The following FNDC3B variants were observed in gnomAD, a reference collection of about 807,000 sequenced individuals.
FNDC3B encodes fibronectin type III domain-containing protein 3B.
Under a neutral mutation model 151.5 loss-of-function variants are expected in FNDC3B, and 12 were observed. The ratio of observed to expected loss-of-function variants is 0.08; its 90% confidence interval spans 0.05 to 0.13. The LOEUF (loss-of-function observed/expected upper bound fraction) is 0.13. FNDC3B is among the 10% of genes least tolerant of loss of function. FNDC3B has a pLI of 1.00. For missense variants in FNDC3B, 1,214 were observed against 1,505.3 expected (o/e 0.81, Z 3.20); for synonymous variants, 528 against 549.0 (o/e 0.96, Z 0.54).
intron 3 of FNDC3B, among the ~76,000 whole-genome samples, chr3:172,165,471 C>T (rs1437407779): frequency 1.3e-5 from 2 of 152,154 alleles, no homozygotes; most frequent in Admixed American, 6.5e-5. Flanking sequence ...TGCTGAATAG[C>T]TTTCCATTTT....
chr3:172,103,101 G>A (rs909927538), intron 1 of FNDC3B, among the ~76,000 whole-genome samples: 4 of 152,088 alleles, frequency 2.6e-5, no homozygotes, highest in Admixed American at 6.5e-5. Flanking sequence ...GGTTAATTAC[G>A]TCTGCAAGCT....
intron 1 of FNDC3B, among the ~76,000 whole-genome samples, chr3:172,100,196 G>A (rs1434876653): frequency 1.3e-5 from 2 of 152,178 alleles, no homozygotes; most frequent in Admixed American, 6.5e-5. Context: ...TAGAATTTGT[G>A]TAACTTCAGC....
At position 172,319,369 on chromosome 3, in the gene FNDC3B, ACAGATGAAC is replaced by A. The variant is rs1374720297; in HGVS notation, c.1254+8490_1254+8498del. Among the ~76,000 whole-genome samples, 4 of 152,156 alleles carry A rather than the reference ACAGATGAAC, an allele frequency of 2.6e-5. No individual in the cohort carries two copies. The East Asian group carries it at 7.7e-4, about 29-fold the overall frequency. ...ATCGATCCTCTCAAAGCATTTGAAA[ACAGATGAAC>A]CTCAATATTTGGAGAAATACATAGG... On this transcript the variant is annotated intron_variant, in intron 11 of 25. Coordinates refer to ENST00000415807, the MANE Select transcript of FNDC3B (RefSeq NM_022763.4).
At chr3:172,227,487 C>A (rs1224360945) in intron 4 of FNDC3B, among the ~76,000 whole-genome samples, 1 of 152,174 alleles carries the variant, frequency 6.6e-6, no homozygotes, top group Non-Finnish European at 1.5e-5. Flanking sequence ...ATGGTAATAG[C>A]AATCTCAGAG....
intron 6 of FNDC3B, among the ~76,000 whole-genome samples, chr3:172,269,048 G>A (rs549616513): frequency 2.6e-5 from 4 of 152,222 alleles, no homozygotes; most frequent in African/African-American, 4.8e-5. Context: ...CATAGCATTC[G>A]TGGAAATATG....
intron 3 of FNDC3B, among the ~76,000 whole-genome samples, chr3:172,194,415 T>C (rs1319645993): frequency 1.3e-5 from 2 of 152,174 alleles, no homozygotes; most frequent in East Asian, 3.9e-4. Flanking sequence ...TGAGACATGT[T>C]TTTGTTTTTG....
intron 23 of FNDC3B, among the ~76,000 whole-genome samples, chr3:172,363,150 T>C (rs2108343869): frequency 6.6e-6 from 1 of 152,274 alleles, no homozygotes; most frequent in African/African-American, 2.4e-5. Flanking sequence ...GTTCACACTA[T>C]GTAATAGCAT....
At chr3:172,366,589 T>C (rs1368247215) in intron 23 of FNDC3B, among the ~76,000 whole-genome samples, 2 of 152,200 alleles carry the variant, frequency 1.3e-5, no homozygotes, top group African/African-American at 4.8e-5. Context: ...CAAAGATGAC[T>C]AAGATCCCTG....
chr3:172,342,118 T>G (rs1446911744), intron 17 of FNDC3B, among the ~76,000 whole-genome samples: 2 of 152,240 alleles, frequency 1.3e-5, no homozygotes, highest in African/African-American at 2.4e-5. Flanking sequence ...GCCTAACTTT[T>G]CTAGTCAACC....
chr3:172,229,950 ATAT>A (rs1424086986), intron 4 of FNDC3B, among the ~76,000 whole-genome samples: 1 of 152,212 alleles, frequency 6.6e-6, no homozygotes, highest in South Asian at 2.1e-4. Flanking sequence ...GAAAAGCTGG[ATAT>A]CCACATGCAA....
chr3:172,338,686 A>AT, intron 16 of FNDC3B, among the ~76,000 whole-genome samples: 1 of 152,324 alleles, frequency 6.6e-6, no homozygotes, highest in Non-Finnish European at 1.5e-5. Flanking sequence ...ATGACATATC[A>AT]TCTCACCACT....
intron 16 of FNDC3B, among the ~76,000 whole-genome samples, chr3:172,340,796 A>T (rs1576927905): frequency 6.6e-6 from 1 of 151,834 alleles, no homozygotes; most frequent in African/African-American, 2.4e-5. Context: ...TAGCTTGCCC[A>T]CCCCTGTTCT....
chr3:172,310,202 C>T (rs1425015169), intron 10 of FNDC3B, among the ~76,000 whole-genome samples: 2 of 152,178 alleles, frequency 1.3e-5, no homozygotes, highest in Non-Finnish European at 2.9e-5. Context: ...TTGTTAAAAA[C>T]CCACTTTCTC....
chr3:172,128,667 T>C (rs1473219211), intron 2 of FNDC3B, among the ~76,000 whole-genome samples: 2 of 152,178 alleles, frequency 1.3e-5, no homozygotes, highest in Non-Finnish European at 2.9e-5. Flanking sequence ...CTTTTGAAGT[T>C]ATTAGGTATT....
chr3:172,206,342 C>CT (rs371050681), intron 3 of FNDC3B, among the ~76,000 whole-genome samples: 291 of 152,248 alleles, frequency 1.9e-3, no homozygotes, highest in Middle Eastern at 6.8e-3. Context: ...TAAGTTATTT[C>CT]TTGGGATCCT....
At chr3:172,238,916 T>A (rs150970420) in intron 4 of FNDC3B, among the ~76,000 whole-genome samples, 49 of 152,314 alleles carry the variant, frequency 3.2e-4, no homozygotes, top group African/African-American at 1.1e-3. Flanking sequence ...ATGATAGATA[T>A]AAAATTAACT....
In FNDC3B at chr3:172,347,293, C is replaced by A; in HGVS notation, c.2446C>A (p.His816Asn). The change falls in exon 21 of 26, where the codon CAT becomes AAT. Residue 816 changes from histidine to asparagine, a missense_variant. By Grantham distance (68) the His-to-Asn change is moderately conservative (BLOSUM62 1). Coordinates refer to ENST00000415807, the MANE Select transcript of FNDC3B (RefSeq NM_022763.4). ...TGAAGAATCCTTAGAACTCATTTAT[C>A]ATGGGACAGACACCCGTTTTGAAAT... ...EDEESLELIYHGTDTRFEIRD... is the reference protein window; with the variant it reads ...EDEESLELIYNGTDTRFEIRD... 2 of 1,613,992 alleles carry A rather than the reference C, an allele frequency of 1.2e-6. No homozygotes were observed. The highest frequency in any genetic ancestry group is 1.7e-6 in the Non-Finnish European group (2 of 1,179,934).
intron 3 of FNDC3B, among the ~76,000 whole-genome samples, chr3:172,202,765 C>A (rs926775575): frequency 6.6e-6 from 1 of 152,128 alleles, no homozygotes; most frequent in African/African-American, 2.4e-5. Flanking sequence ...GGTCCATGAC[C>A]CCTGGAAGAG....
intron 1 of FNDC3B, among the ~76,000 whole-genome samples, chr3:172,051,452 A>G (rs1716650869): frequency 6.6e-6 from 1 of 152,186 alleles, no homozygotes; most frequent in African/African-American, 2.4e-5. Flanking sequence ...CACAGTAAAT[A>G]TTCATTTGAT....
Sources: gnomAD v4.1 joint callset for allele counts (sites outside exome capture counted in the v4.1 genomes callset) on GRCh38, gnomAD v4.1.1 for gene constraint, MANE v1.5 for transcripts, NCBI Gene and HGNC (gene_info 2026-07-23, HGNC 2026-07-21) for gene names.